NCAPH2: variants seen among roughly 807,000 people sequenced by gnomAD.
The protein encoded by NCAPH2 is non-SMC condensin II complex subunit H2.
Under a neutral mutation model 88.6 loss-of-function variants are expected in NCAPH2, and 56 were observed. The observed-to-expected ratio is 0.63, with a 90% CI of 0.51 to 0.79. NCAPH2 has a LOEUF of 0.79. Ranked by LOEUF, NCAPH2 falls within the 30% of genes least tolerant of loss-of-function variation. NCAPH2 has a pLI of 0.00. For missense variants in NCAPH2, 794 were observed against 792.0 expected, an observed-to-expected ratio of 1.00 and a Z score of -0.03; for synonymous variants, 378 against 313.6, an observed-to-expected ratio of 1.21 and a Z score of -2.17.
chr22:50,520,827 T>C (rs962565097), intron 9 of NCAPH2, 138 bp from the exon 10 acceptor site: 1 of 928,782 alleles, frequency 1.1e-6, no homozygotes, highest in Non-Finnish European at 1.6e-6. Flanking sequence ...CCTCCCAAAG[T>C]GCTGGGATTA....
intron 2 of NCAPH2, 114 bp from the exon 3 acceptor site, chr22:50,517,313 C>A: frequency 2.8e-6 from 3 of 1,053,226 alleles, no homozygotes; most frequent in Non-Finnish European, 4.4e-6. Context: ...GTTTCTTGTA[C>A]TGGAGGTTTG....
chr22:50,509,528 A>G (rs972768729), intron 1 of NCAPH2, among the ~76,000 whole-genome samples: 3 of 152,236 alleles, frequency 2.0e-5, no homozygotes, highest in Admixed American at 6.5e-5. Flanking sequence ...CCACCGGAAT[A>G]TCACTTGAAT....
Position 50,518,661 on chromosome 22 carries a change from C to A in NCAPH2, c.659C>A (p.Thr220Asn). Residue 220 changes from threonine (T) to asparagine (N), a missense_variant, in exon 8 of 20, where the codon ACT (threonine) becomes AAT (asparagine). Coordinates refer to ENST00000420993, the MANE Select transcript of NCAPH2 (RefSeq NM_152299.4). ...CTGTCTCTCCCAGACACCGGGAGGA[C>A]TGAGGAGCAGCCAATGGAAGTTTCC... Reference protein sequence around the residue: ...MPGTQKDTGRTEEQPMEVSVC... With the variant: ...MPGTQKDTGRNEEQPMEVSVC... 1 of 1,607,958 alleles carries A rather than the reference C, an allele frequency of 6.2e-7. No homozygotes were observed. The highest frequency in any genetic ancestry group is 8.5e-7 in the Non-Finnish European group (1 of 1,178,328).
chr22:50,520,929 AGAG>A (rs904106905), intron 9 of NCAPH2, 33 bp from the exon 10 acceptor site: 20 of 1,549,102 alleles, frequency 1.3e-5, no homozygotes, highest in African/African-American at 1.1e-4. Context: ...GAGGGGAGAA[AGAG>A]GAGAAGTGGG....
rs755007017 is a variant in NCAPH2, at chr22:50,519,223, G to A, written c.764G>A (p.Gly255Glu). The A allele has an allele frequency of 6.2e-6, 10 of 1,610,774 alleles. No homozygotes were observed. Among genetic ancestry groups the A allele is most frequent in the African/African-American group, 2.7e-5 (2 of 74,918 alleles). ...PSPEGPMPLG[G>E]GEDEDAEEAV... ...CCAGAAGGCCCGATGCCCCTGGGTG[G>A]GGGCGAGGACGAGGATGCAGAGGAG... Residue 255 changes from glycine to glutamate, a missense_variant, in exon 9 of 20, where the codon GGG becomes GAG. Gly to Glu is a moderately conservative substitution (Grantham distance 98). Transcript: ENST00000420993.
intron 10 of NCAPH2, among the ~76,000 whole-genome samples, chr22:50,521,313 A>G (rs907585717): frequency 8.7e-5 from 13 of 150,116 alleles, no homozygotes; most frequent in Non-Finnish European, 1.5e-4. Flanking sequence ...TGCACCCCCT[A>G]CTCCTCTGGG....
At chr22:50,515,600 G>A in intron 1 of NCAPH2, 1 of 701,636 alleles carries the variant, frequency 1.4e-6, no homozygotes, top group South Asian at 2.0e-5. Flanking sequence ...GTTTCACCGT[G>A]TTAGCCAGGA....
Position 50,523,518 on chromosome 22 carries a change from G to C in NCAPH2, c.*143G>C. On this transcript the variant is annotated 3_prime_UTR_variant, in exon 20 of 20. Transcript: ENST00000420993. ...TTATGTACACCTGCGCAGAGAAGAGGGCTGCCTGGCCTCCCTGGGCCGCTG... is the reference window on the plus strand; with the variant it reads ...TTATGTACACCTGCGCAGAGAAGAGCGCTGCCTGGCCTCCCTGGGCCGCTG... 1 of 1,555,702 alleles carries C rather than the reference G, an allele frequency of 6.4e-7. No homozygotes were observed. Among genetic ancestry groups the C allele is most frequent in the South Asian group, 1.2e-5 (1 of 86,806 alleles).
chr22:50,517,348 G>GA lies in NCAPH2; in HGVS notation c.211-79_211-78insA. 2.7e-6 allele frequency: 4 copies of GA among 1,477,440 alleles called. No individual in the cohort carries two copies. In the South Asian group the frequency reaches 4.5e-5, roughly 17 times the overall value. 91.5% of individuals were successfully genotyped at this position (1,477,440 alleles called of 1,614,324 possible). Reference sequence around the variant, plus strand: ...GGTGGTGGTGGCCAGGCCTCGTGGGGGCACCGATGGATAGCTGGGAAGGCC... The same window carrying GA: ...GGTGGTGGTGGCCAGGCCTCGTGGGGAGCACCGATGGATAGCTGGGAAGGCC... On this transcript the variant is annotated intron_variant, in intron 2 of 19. Coordinates refer to ENST00000420993, the MANE Select transcript of NCAPH2 (RefSeq NM_152299.4).
At chr22:50,515,823 G>A (rs1302873393) in intron 1 of NCAPH2, 3 of 1,285,870 alleles carry the variant, frequency 2.3e-6, no homozygotes, top group Admixed American at 2.6e-5. Flanking sequence ...GTACTCTGTG[G>A]ACAGCTATGA....
chr22:50,512,527 C>CT (rs1034516234), intron 1 of NCAPH2, among the ~76,000 whole-genome samples: 1 of 145,046 alleles, frequency 6.9e-6, no homozygotes, highest in African/African-American at 2.5e-5. Flanking sequence ...TGTTCTTTTT[C>CT]TTTTTTTTGT....
chr22:50,508,245 G>T lies in NCAPH2; in HGVS notation c.-93G>T. On this transcript the variant is annotated 5_prime_UTR_variant, in exon 1 of 20. Transcript: ENST00000420993. ...CTACGCATTTTCCTGGGCGGGAACA[G>T]CAAAATGGCGCCAGAACTAGTGGCG... is the stretch of plus-strand genomic sequence containing the variant. 1 of 988,408 alleles carries T rather than the reference G, an allele frequency of 1.0e-6. No individual in the cohort carries two copies. The allele number at this position is 988,408 out of a possible 1,614,324, so 61.2% of individuals were successfully genotyped here. A position where few individuals can be genotyped will look rare whatever the true frequency, so the allele number is the denominator to read the frequency against.
At chr22:50,514,501 G>A (rs2068864648) in intron 1 of NCAPH2, among the ~76,000 whole-genome samples, 2 of 152,220 alleles carry the variant, frequency 1.3e-5, no homozygotes, top group South Asian at 2.1e-4. Flanking sequence ...GAAGAAGGCA[G>A]CTGAACATGT....
chr22:50,520,165 C>T (rs998453928), intron 9 of NCAPH2, among the ~76,000 whole-genome samples: 13 of 152,108 alleles, frequency 8.5e-5, no homozygotes, highest in South Asian at 2.1e-4. Flanking sequence ...CCACCACGCC[C>T]GGCCCACTGT....
At chr22:50,515,558 A>T (rs1002979029) in intron 1 of NCAPH2, among the ~76,000 whole-genome samples, 1 of 152,140 alleles carries the variant, frequency 6.6e-6, no homozygotes, top group East Asian at 1.9e-4. Context: ...CACCACGCCC[A>T]GCTAATTTTT....
Position 50,524,468 on chromosome 22 carries a change from G to A in NCAPH2, c.*1093G>A, listed in dbSNP as rs1157985806. 2.5e-6 allele frequency: 4 copies of A among 1,575,228 alleles called. No individual in the cohort carries two copies. The highest frequency in any genetic ancestry group is 3.5e-6 in the Non-Finnish European group (4 of 1,151,742). ...GTCAGGAGCCAGAAGGGAAGGCCCAGGACAGTGCCTGGGCTGCCCCTGCGA... is the reference window on the plus strand; with the variant it reads ...GTCAGGAGCCAGAAGGGAAGGCCCAAGACAGTGCCTGGGCTGCCCCTGCGA... On this transcript the variant is annotated 3_prime_UTR_variant, in exon 20 of 20. Transcript: ENST00000420993.
At chr22:50,511,285 CTTTTT>C (rs910583115) in intron 1 of NCAPH2, among the ~76,000 whole-genome samples, 7 of 109,664 alleles carry the variant, frequency 6.4e-5, no homozygotes, top group African/African-American at 3.5e-4. Context: ...GCCTCAGCCT[CTTTTT>C]TTTTTTTTTT....
In NCAPH2 at chr22:50,517,748, C is replaced by T. The variant is rs749838289; in HGVS notation, c.359C>T (p.Ser120Leu). The change falls in exon 5 of 20, where the codon TCG (serine) becomes TTG (leucine). Residue 120 changes from serine (S) to leucine (L), a missense_variant. Physicochemically the swap from Ser to Leu is moderately radical, Grantham distance 145. Around this residue, in one of 2 missense-constraint regions of NCAPH2, gnomAD observed 735 missense variants for 696.3 expected, o/e 1.06. Transcript: ENST00000420993. ...AGCTCTGTCTCCCTCCAGTTCCTGT[C>T]GCTGGATGACTTCCCTGACTCCCGG... ...VPQEAENEFL[S>L]LDDFPDSRTN... The T allele has an allele frequency of 1.3e-5, 21 of 1,613,912 alleles. No homozygotes were observed. The highest frequency in any genetic ancestry group is 1.1e-4 in the South Asian group (10 of 91,092).
chr22:50,514,141 A>G (rs131820), intron 1 of NCAPH2, among the ~76,000 whole-genome samples: 74,094 of 151,926 alleles, frequency 0.49, 18,783 homozygotes, highest in African/African-American at 0.62. Context: ...AGAAGGTTCC[A>G]AGTTGGGACC....
Sources: gnomAD v4.1 joint callset for allele counts (sites outside exome capture counted in the v4.1 genomes callset) on GRCh38, gnomAD v4.1.1 for gene constraint, gnomAD v4.1.1 regional missense constraint, MANE v1.5 for transcripts, NCBI Gene and HGNC (gene_info 2026-07-23, HGNC 2026-07-21) for gene names.